ENPP3: variants seen among roughly 807,000 people sequenced by gnomAD.
ENPP3 encodes ectonucleotide pyrophosphatase/phosphodiesterase family member 3.
ENPP3 carries 104 observed loss-of-function variants against 117.8 expected under a neutral mutation model. The ratio of observed to expected loss-of-function variants is 0.88; its 90% CI spans 0.75 to 1.04. ENPP3 has a LOEUF of 1.04. Ranked by LOEUF, ENPP3 falls within the 50% of genes least tolerant of loss-of-function variation. ENPP3 has a pLI of 0.00. For synonymous variants in ENPP3, 380 were observed against 349.9 expected (o/e 1.09, Z -0.96); for missense variants, 1,026 against 1,051.9 (o/e 0.98, Z 0.34).
At position 131,651,672 on chromosome 6, in the gene ENPP3, G is replaced by C. The variant is rs150186719; in HGVS notation, c.278-870G>C. On this transcript the variant is annotated intron_variant, in intron 3 of 24. Coordinates refer to ENST00000357639, the MANE Select transcript of ENPP3 (RefSeq NM_005021.5). ...AATCTGGGAAGGTGGTGGTGGGGGG[G>C]TGTCCAGTGGTTGGAGGAGAGTGAA... Among the ~76,000 whole-genome samples the C allele has an allele frequency of 6.3e-3, 955 of 152,268 alleles. 8 individuals are homozygous for C. The highest frequency in any genetic ancestry group is 0.022 in the African/African-American group (899 of 41,534).
chr6:131,678,148 A>G (rs115862465), intron 11 of ENPP3, among the ~76,000 whole-genome samples: 1 of 152,332 alleles, frequency 6.6e-6, no homozygotes, highest in African/African-American at 2.4e-5. Flanking sequence ...AGAAAGGACA[A>G]CTGCCTTATT....
chr6:131,700,962 G>A, intron 15 of ENPP3: 1 of 617,078 alleles, frequency 1.6e-6, no homozygotes, highest in South Asian at 1.9e-5. Flanking sequence ...AGTGGTCCAG[G>A]AAGTCACCGC....
chr6:131,668,138 T>C (rs1307518693), intron 6 of ENPP3, among the ~76,000 whole-genome samples: 1 of 151,976 alleles, frequency 6.6e-6, no homozygotes, highest in Admixed American at 6.6e-5. Context: ...TATTTCATTA[T>C]GCCAGTCTTA....
At position 131,658,421 on chromosome 6, in the gene ENPP3, G is replaced by A. The variant is rs140711267; in HGVS notation, c.562+1G>A. Reference sequence around the variant, plus strand: ...TTAATGCCAAATATCAATAAACTGAGTAAGTCTTCTGTAACTAGTGGCATG... The same window carrying A: ...TTAATGCCAAATATCAATAAACTGAATAAGTCTTCTGTAACTAGTGGCATG... On this transcript the variant is annotated splice_donor_variant, in intron 6 of 24. Coordinates refer to ENST00000357639, the MANE Select transcript of ENPP3 (RefSeq NM_005021.5). LOFTEE classifies it high-confidence loss of function. 150 of 1,464,886 alleles carry A rather than the reference G, an allele frequency of 1.0e-4. No homozygotes were observed. Among genetic ancestry groups the A allele is most frequent in the Non-Finnish European group, 1.4e-4 (143 of 1,044,710 alleles). The allele number at this position is 1,464,886 out of a possible 1,614,324, so 90.7% of individuals were successfully genotyped here.
Position 131,722,445 on chromosome 6 carries a change from G to A in ENPP3, c.1746+40G>A, listed in dbSNP as rs186836543. The A allele has an allele frequency of 3.8e-6, 6 of 1,564,856 alleles. No homozygotes were observed. The African/African-American group carries it at 4.1e-5, about 11-fold the overall frequency. ...CATGCATCCATAAGAACGTAAAGGG[G>A]CAAGCTATTCTTAACCTGGGTAGCT... On this transcript the variant is annotated intron_variant, in intron 18 of 24. Coordinates refer to ENST00000357639, the MANE Select transcript of ENPP3 (RefSeq NM_005021.5).
intron 2 of ENPP3, among the ~76,000 whole-genome samples, chr6:131,649,704 C>T (rs1259695670): frequency 6.6e-6 from 1 of 152,102 alleles, no homozygotes; most frequent in Non-Finnish European, 1.5e-5. Context: ...CATAGGCGTG[C>T]ACCACCACAC....
intron 6 of ENPP3, among the ~76,000 whole-genome samples, chr6:131,670,959 G>A (rs750772068): frequency 2.6e-5 from 4 of 152,102 alleles, no homozygotes; most frequent in Non-Finnish European, 5.9e-5. Flanking sequence ...ATGGCAGAGT[G>A]GAGGTGTTTC....
At chr6:131,693,023 T>C (rs1220764722) in intron 14 of ENPP3, among the ~76,000 whole-genome samples, 1 of 145,264 alleles carries the variant, frequency 6.9e-6, no homozygotes, top group East Asian at 2.0e-4. Flanking sequence ...TATATGGTTA[T>C]ATATGATATA....
At chr6:131,678,846 CT>C (rs1173301845) in intron 11 of ENPP3, among the ~76,000 whole-genome samples, 1 of 152,190 alleles carries the variant, frequency 6.6e-6, no homozygotes, top group Non-Finnish European at 1.5e-5. Flanking sequence ...TTTCAGGTTA[CT>C]CTAAGCGTGA....
chr6:131,646,331 C>G (rs1269061347), intron 2 of ENPP3, among the ~76,000 whole-genome samples: 1 of 149,512 alleles, frequency 6.7e-6, no homozygotes, highest in Non-Finnish European at 1.5e-5. Flanking sequence ...CTCTTTTGCT[C>G]CCTGCATTAT....
intron 9 of ENPP3, among the ~76,000 whole-genome samples, chr6:131,675,974 G>T (rs1038338817): frequency 1.3e-5 from 2 of 152,136 alleles, no homozygotes; most frequent in African/African-American, 4.8e-5. Context: ...ATGACCTCTG[G>T]TGTCCCCTTA....
chr6:131,694,474 T>C (rs1779357026), intron 15 of ENPP3, among the ~76,000 whole-genome samples: 1 of 152,198 alleles, frequency 6.6e-6, no homozygotes, highest in Non-Finnish European at 1.5e-5. Context: ...GTATCTGGAC[T>C]TTATGGCATT....
intron 6 of ENPP3, among the ~76,000 whole-genome samples, chr6:131,663,544 A>T (rs1018995039): frequency 2.0e-5 from 3 of 150,318 alleles, no homozygotes; most frequent in Non-Finnish European, 4.4e-5. Context: ...AAAAAAAAAA[A>T]GTAGCTAAGC....
At chr6:131,661,307 A>G (rs1219445935) in intron 6 of ENPP3, among the ~76,000 whole-genome samples, 1 of 152,106 alleles carries the variant, frequency 6.6e-6, no homozygotes, top group African/African-American at 2.4e-5. Context: ...GCCATTTTCC[A>G]TAGCAGCTAT....
chr6:131,657,498 G>T (rs1778410564), intron 5 of ENPP3, among the ~76,000 whole-genome samples: 1 of 152,168 alleles, frequency 6.6e-6, no homozygotes, highest in Non-Finnish European at 1.5e-5. Context: ...AGTAGAATAA[G>T]TTCTGGTTTA....
chr6:131,746,716 A>C (rs1052492746), intron 24 of ENPP3, 70 bp from the exon 25 acceptor site: 1 of 1,376,506 alleles, frequency 7.3e-7, no homozygotes, highest in African/African-American at 1.5e-5. Flanking sequence ...ACTTCTAAGC[A>C]ATAAAAATAT....
At chr6:131,650,979 G>T (rs978972428) in intron 3 of ENPP3, among the ~76,000 whole-genome samples, 1 of 152,032 alleles carries the variant, frequency 6.6e-6, no homozygotes, top group Non-Finnish European at 1.5e-5. Context: ...GATTGCAGTG[G>T]CACAATCTTG....
chr6:131,744,956 C>T (rs1254460616), intron 24 of ENPP3, among the ~76,000 whole-genome samples: 2 of 152,042 alleles, frequency 1.3e-5, no homozygotes, highest in African/African-American at 4.8e-5. Flanking sequence ...TAGTTGGTGC[C>T]AGCGACTTAC....
At chr6:131,720,223 G>C in intron 16 of ENPP3, 69 bp from the exon 17 acceptor site, 1 of 954,664 alleles carries the variant, frequency 1.0e-6, no homozygotes, top group South Asian at 1.7e-5. Context: ...GGAAAATTTT[G>C]TCTCTTCCTA....
Sources: gnomAD v4.1 joint callset for allele counts (sites outside exome capture counted in the v4.1 genomes callset) on GRCh38, gnomAD v4.1.1 for gene constraint, MANE v1.5 for transcripts, NCBI Gene and HGNC (gene_info 2026-07-23, HGNC 2026-07-21) for gene names.